The following ELMOD3 variants were observed in gnomAD, a reference collection of about 807,000 sequenced individuals.
ELMOD3 encodes the protein ELMO domain containing 3, also known as ELMO domain-containing protein 3.
A neutral mutation model predicts 47.4 loss-of-function variants in ELMOD3; 36 were observed. The ratio of observed to expected loss-of-function variants is 0.76; its 90% CI spans 0.58 to 1.00. The LOEUF is 1.00. Ranked by LOEUF, ELMOD3 falls within the 50% of genes least tolerant of loss-of-function variation. The pLI, the probability that ELMOD3 is intolerant of heterozygous loss-of-function variation, is 0.00. For missense variants in ELMOD3, 404 were observed against 463.8 expected, an observed-to-expected ratio of 0.87 and a Z score of 1.18; for synonymous variants, 149 against 183.5, an observed-to-expected ratio of 0.81 and a Z score of 1.52.
chr2:85,366,742 T>G (rs2104550452), intron 6 of ELMOD3, among the ~76,000 whole-genome samples: 1 of 152,372 alleles, frequency 6.6e-6, no homozygotes. Context: ...TTCTCTTCCT[T>G]ATTATCCATT....
intron 11 of ELMOD3, chr2:85,387,142 T>C: frequency 7.7e-7 from 1 of 1,299,598 alleles, no homozygotes; most frequent in Non-Finnish European, 1.0e-6. Flanking sequence ...CAAGTATATA[T>C]GATCATTAAA....
chr2:85,374,967 C>T (rs1215580285), intron 10 of ELMOD3, among the ~76,000 whole-genome samples: 1 of 152,034 alleles, frequency 6.6e-6, no homozygotes, highest in African/African-American at 2.4e-5. Context: ...AAAAATTAGC[C>T]AGGCATGGTG....
At chr2:85,370,358 G>A (rs762801547) in intron 8 of ELMOD3, among the ~76,000 whole-genome samples, 7 of 151,354 alleles carry the variant, frequency 4.6e-5, no homozygotes, top group Non-Finnish European at 2.9e-5. Context: ...TTGAACCCAG[G>A]AGTTCAAGGC....
intron 10 of ELMOD3, among the ~76,000 whole-genome samples, chr2:85,375,074 T>C (rs995114885): frequency 2.6e-4 from 39 of 151,910 alleles, no homozygotes; most frequent in Non-Finnish European, 5.0e-4. Context: ...CAGAGCGAGA[T>C]TCCATCTCAA....
chr2:85,386,170 G>T (rs1269909398), intron 11 of ELMOD3, among the ~76,000 whole-genome samples: 1 of 152,136 alleles, frequency 6.6e-6, no homozygotes, highest in African/African-American at 2.4e-5. Context: ...AGCAGACAAA[G>T]GTTTCTAAGC....
At chr2:85,371,796 G>C in intron 10 of ELMOD3, 3 of 430,010 alleles carry the variant, frequency 7.0e-6, no homozygotes, top group South Asian at 4.8e-5. Context: ...CACTTTGGGA[G>C]GCTGAAGAGG....
At chr2:85,365,119 C>CT (rs1289916925) in intron 6 of ELMOD3, among the ~76,000 whole-genome samples, 4 of 145,796 alleles carry the variant, frequency 2.7e-5, no homozygotes, top group Admixed American at 1.4e-4. Flanking sequence ...CTCTGGCTAA[C>CT]TTTAAAAAAA....
chr2:85,365,738 C>T (rs540751228), intron 6 of ELMOD3, among the ~76,000 whole-genome samples: 2 of 152,270 alleles, frequency 1.3e-5, no homozygotes, highest in East Asian at 3.9e-4. Flanking sequence ...CATATTCCCA[C>T]CCCCTTGCCA....
rs1311797595 is a variant in ELMOD3, at chr2:85,390,989, G to A, written c.*27G>A. On this transcript the variant is annotated 3_prime_UTR_variant, in exon 14 of 14. Coordinates refer to ENST00000409013, the MANE Select transcript of ELMOD3 (RefSeq NM_001135022.2). ...CTCCGAGATGAATGGAGGCTTAAAG[G>A]CTGAGCTGCAGGGGCTTTCAGGGGG... 48 of 1,542,960 alleles carry A rather than the reference G, an allele frequency of 3.1e-5. No individual in the cohort carries two copies. The highest frequency in any genetic ancestry group is 4.0e-5 in the Non-Finnish European group (46 of 1,140,854).
chr2:85,377,345 A>G lies in ELMOD3; in HGVS notation c.609A>G (p.Gly203=). ...GNHWEDLGFQ[G]ANPATDLRGA... is the part of the protein sequence containing the mutation. Reference sequence around the variant, plus strand: ...GTTTCCTCACGGTCTCTGTTACAGGAGCGAATCCAGCCACAGACCTGAGAG... The same window carrying G: ...GTTTCCTCACGGTCTCTGTTACAGGGGCGAATCCAGCCACAGACCTGAGAG... The change falls in exon 11 of 14, where the codon GGA becomes GGG. Residue 203 remains glycine (G), a splice_region_variant and synonymous_variant. Coordinates refer to ENST00000409013, the MANE Select transcript of ELMOD3 (RefSeq NM_001135022.2). 6.3e-7 allele frequency: 1 copy of G among 1,596,542 alleles called. No individual in the cohort carries two copies. Among genetic ancestry groups the G allele is most frequent in the Non-Finnish European group, 8.5e-7 (1 of 1,171,878 alleles).
At chr2:85,382,206 G>A (rs1018921993) in intron 11 of ELMOD3, among the ~76,000 whole-genome samples, 36 of 150,094 alleles carry the variant, frequency 2.4e-4, no homozygotes, top group East Asian at 4.0e-4. Flanking sequence ...TTAGGAGGCC[G>A]AGGCGGGCAG....
At chr2:85,388,151 G>GGA (rs1686067192) in intron 11 of ELMOD3, among the ~76,000 whole-genome samples, 1 of 144,566 alleles carries the variant, frequency 6.9e-6, no homozygotes, top group South Asian at 2.2e-4. Context: ...TTGTTTTTTT[G>GGA]AAAAAAAAAA....
intron 6 of ELMOD3, among the ~76,000 whole-genome samples, chr2:85,365,298 C>T (rs926019923): frequency 1.3e-5 from 2 of 150,706 alleles, no homozygotes; most frequent in Middle Eastern, 3.5e-3. Flanking sequence ...TGTAGTGAAC[C>T]GAGATCGCAC....
intron 4 of ELMOD3, 127 bp from the exon 5 acceptor site, chr2:85,362,059 C>T (rs1684010313): frequency 1.6e-6 from 1 of 643,236 alleles, no homozygotes; most frequent in East Asian, 2.8e-5. Context: ...CCAAGTTTCC[C>T]TATGTAACAA....
Position 85,391,077 on chromosome 2 carries a change from A to G in ELMOD3, c.*115A>G. ...CCCTTGCTGTCTCAGCAGATGGGAT[A>G]TAGGAAGCTCCTGGGCTTAGCTGTG... On this transcript the variant is annotated 3_prime_UTR_variant, in exon 14 of 14. Transcript: ENST00000409013. The G allele has an allele frequency of 9.4e-7, 1 of 1,062,038 alleles. No individual in the cohort carries two copies. The highest frequency in any genetic ancestry group is 1.4e-6 in the Non-Finnish European group (1 of 740,316). The allele number at this position is 1,062,038 out of a possible 1,614,324, so 65.8% of individuals were successfully genotyped here.
intron 11 of ELMOD3, among the ~76,000 whole-genome samples, chr2:85,383,077 A>G (rs1685696789): frequency 6.6e-6 from 1 of 151,318 alleles, no homozygotes; most frequent in Admixed American, 6.6e-5. Flanking sequence ...AAACTCCAAA[A>G]AAAAAAAAAA....
At chr2:85,371,265 G>A (rs753586335) in intron 9 of ELMOD3, 56 bp downstream of exon 9, 16 of 1,613,558 alleles carry the variant, frequency 9.9e-6, no homozygotes, top group South Asian at 3.3e-5. Flanking sequence ...GGGCAAGACC[G>A]TGTGTGCTGA....
In ELMOD3 at chr2:85,371,121, C is replaced by G. The variant is rs112857214; in HGVS notation, c.396C>G (p.Leu132=). ...AGCCAACTATTCGAAGGACTGGGCT[C>G]GCCGCCCTCCGACACTACCTCTTCG... is the stretch of plus-strand genomic sequence containing the variant. ...RIQPTIRRTG[L]AALRHYLFGP... The change falls in exon 9 of 14, where the codon CTC becomes CTG. Residue 132 remains leucine, a synonymous_variant. Coordinates refer to ENST00000409013, the MANE Select transcript of ELMOD3 (RefSeq NM_001135022.2). The G allele has an allele frequency of 6.2e-7, 1 of 1,614,216 alleles. No individual in the cohort carries two copies. Among genetic ancestry groups the G allele is most frequent in the East Asian group, 2.2e-5 (1 of 44,884 alleles).
intron 6 of ELMOD3, chr2:85,368,383 A>G (rs1342688442): frequency 1.1e-5 from 4 of 372,294 alleles, no homozygotes; most frequent in African/African-American, 2.1e-5. Flanking sequence ...TGCCATGCTG[A>G]TCATGTGGCC....
Sources: gnomAD v4.1 joint callset for allele counts (sites outside exome capture counted in the v4.1 genomes callset) on GRCh38, gnomAD v4.1.1 for gene constraint, MANE v1.5 for transcripts, NCBI Gene and HGNC (gene_info 2026-07-23, HGNC 2026-07-21) for gene names.